The following KALRN variants were observed in gnomAD, a reference collection of about 807,000 sequenced individuals.
KALRN encodes the protein kalirin RhoGEF kinase.
In KALRN, 70 loss-of-function variants were observed where a neutral mutation model predicts 353.7. The observed-to-expected ratio is 0.20, with a 90% CI of 0.16 to 0.24. KALRN has a LOEUF of 0.24. KALRN is among the 10% of genes least tolerant of loss of function. KALRN has a pLI of 1.00. For synonymous variants in KALRN, 1,391 were observed against 1,434.8 expected (o/e 0.97, Z 0.69); for missense variants, 2,791 against 3,756.7 (o/e 0.74, Z 6.72).
intron 34 of KALRN, chr3:124,584,746 A>C (rs2074962462): frequency 6.5e-7 from 1 of 1,529,350 alleles, no homozygotes; most frequent in African/African-American, 1.4e-5. Context: ...GGCGGCGCTG[A>C]AGTTTCCTTC....
Position 124,296,502 on chromosome 3 carries a change from G to A in KALRN, c.970-2289G>A, listed in dbSNP as rs149589796. Among the ~76,000 whole-genome samples the A allele has an allele frequency of 2.3e-3, 352 of 152,190 alleles. 4 individuals carry two copies. Among genetic ancestry groups the A allele is most frequent in the African/African-American group, 7.9e-3 (326 of 41,526 alleles). Reference sequence around the variant, plus strand: ...TCCAGGACTCCGGGTCCTCGCCCTCGTCAGGATTTCAGTAGCAGCCTTCTA... The same window carrying A: ...TCCAGGACTCCGGGTCCTCGCCCTCATCAGGATTTCAGTAGCAGCCTTCTA... On this transcript the variant is annotated intron_variant, in intron 5 of 59. Transcript: ENST00000682506.
Position 124,694,388 on chromosome 3 carries a change from G to T in KALRN, c.7462G>T (p.Val2488Leu). The T allele has an allele frequency of 6.2e-7, 1 of 1,614,218 alleles. No individual in the cohort carries two copies. The highest frequency in any genetic ancestry group is 1.7e-5 in the Admixed American group (1 of 60,026). The change falls in exon 53 of 60, where the codon GTG (valine) becomes TTG (leucine). Residue 2488 changes from valine (V) to leucine (L), a missense_variant. Around this residue, in one of 11 missense-constraint regions of KALRN, gnomAD observed 1,065 missense variants for 1,156.4 expected, o/e 0.92. Transcript: ENST00000682506. ...VDVTCLLGDT[V>L]ILQCKVCGRP... is the part of the protein sequence containing the mutation. Reference sequence around the variant, plus strand: ...TGTGACCTGCTTGCTTGGGGACACAGTGATACTGCAGTGCAAAGTCTGTGG... The same window carrying T: ...TGTGACCTGCTTGCTTGGGGACACATTGATACTGCAGTGCAAAGTCTGTGG...
chr3:124,589,501 G>C (rs907380524), intron 34 of KALRN, among the ~76,000 whole-genome samples: 1 of 152,196 alleles, frequency 6.6e-6, no homozygotes, highest in African/African-American at 2.4e-5. Context: ...GTTGAGGTGG[G>C]AGGATCGGTT....
At chr3:124,053,714 T>C (rs549849821) in intron 1 of KALRN, among the ~76,000 whole-genome samples, 9 of 152,226 alleles carry the variant, frequency 5.9e-5, no homozygotes, top group Admixed American at 1.3e-4. Context: ...CCTGTGCATA[T>C]ATGTGCTGTG....
intron 1 of KALRN, among the ~76,000 whole-genome samples, chr3:124,109,182 T>C (rs765440034): frequency 9.2e-5 from 14 of 152,178 alleles, no homozygotes; most frequent in Non-Finnish European, 1.6e-4. Flanking sequence ...TGGAAGATTG[T>C]CAGTTATTAT....
chr3:124,141,518 CA>C (rs1409381035), intron 1 of KALRN, among the ~76,000 whole-genome samples: 1 of 152,176 alleles, frequency 6.6e-6, no homozygotes, highest in Non-Finnish European at 1.5e-5. Flanking sequence ...GGCTCAGATC[CA>C]AACTCCTTCT....
chr3:124,154,268 AG>A (rs1200762032), intron 1 of KALRN, among the ~76,000 whole-genome samples: 1 of 152,236 alleles, frequency 6.6e-6, no homozygotes, highest in Non-Finnish European at 1.5e-5. Context: ...CAGGGCAATT[AG>A]GCAGGAGAAG....
At chr3:124,605,444 A>G (rs1287185716) in intron 34 of KALRN, among the ~76,000 whole-genome samples, 3 of 151,688 alleles carry the variant, frequency 2.0e-5, no homozygotes, top group Non-Finnish European at 2.9e-5. Context: ...ATGGTGGCAC[A>G]TGTCTGTAAT....
chr3:124,368,359 A>G (rs2085296342), intron 10 of KALRN, among the ~76,000 whole-genome samples: 1 of 145,772 alleles, frequency 6.9e-6, no homozygotes, highest in African/African-American at 2.6e-5. Flanking sequence ...GCGGCCGGGC[A>G]GAGACGCTCC....
intron 33 of KALRN, among the ~76,000 whole-genome samples, chr3:124,541,901 G>T (rs1315537034): frequency 1.6e-5 from 2 of 127,856 alleles, no homozygotes; most frequent in Non-Finnish European, 3.3e-5. Flanking sequence ...AAAAAAAAAG[G>T]TAGCCCAGAT....
chr3:124,286,002 C>T (rs1315102239), intron 5 of KALRN, among the ~76,000 whole-genome samples: 2 of 152,012 alleles, frequency 1.3e-5, no homozygotes, highest in Non-Finnish European at 2.9e-5. Flanking sequence ...TTATGTCCCA[C>T]ATCTCTTCTG....
At chr3:124,702,746 T>C (rs948183581) in intron 57 of KALRN, among the ~76,000 whole-genome samples, 2 of 152,202 alleles carry the variant, frequency 1.3e-5, no homozygotes, top group Non-Finnish European at 2.9e-5. Context: ...ATTTTATGAG[T>C]ATTTCTAATC....
Position 124,631,371 on chromosome 3 carries a change from A to T in KALRN, c.5183-1049A>T, listed in dbSNP as rs145464962. 2.6e-3 allele frequency among the ~76,000 whole-genome samples: 399 copies of T among 152,298 alleles called. 2 individuals are homozygous for T. The highest frequency in any genetic ancestry group is 8.8e-3 in the African/African-American group (365 of 41,576). ...TGCTATTCAATTTCTCCACTCAGGT[A>T]TCTAATGGGCATCTCAAAGATGTCT... On this transcript the variant is annotated intron_variant, in intron 34 of 59. Coordinates refer to ENST00000682506, the MANE Select transcript of KALRN (RefSeq NM_001388419.1).
chr3:124,424,650 A>G (rs2092937978), intron 15 of KALRN, among the ~76,000 whole-genome samples: 1 of 152,150 alleles, frequency 6.6e-6, no homozygotes, highest in South Asian at 2.1e-4. Flanking sequence ...CACTGGGATT[A>G]CACCTGAGTC....
chr3:124,244,484 A>G (rs556644831), intron 3 of KALRN, among the ~76,000 whole-genome samples: 12 of 152,236 alleles, frequency 7.9e-5, no homozygotes, highest in Admixed American at 2.0e-4. Context: ...TGATCCACAC[A>G]CCTCAGCCTC....
At chr3:124,073,828 AATTT>A (rs781367355) in intron 1 of KALRN, among the ~76,000 whole-genome samples, 15 of 152,082 alleles carry the variant, frequency 9.9e-5, no homozygotes, top group Non-Finnish European at 1.5e-4. Context: ...TAGCTACTAT[AATTT>A]ATTGGAATAG....
intron 34 of KALRN, among the ~76,000 whole-genome samples, chr3:124,586,501 C>T (rs1049012427): frequency 5.9e-5 from 9 of 152,136 alleles, no homozygotes; most frequent in Non-Finnish European, 1.3e-4. Context: ...AGGAATTGCC[C>T]GACTTTCACT....
chr3:124,089,812 T>C (rs1312153774), intron 1 of KALRN, among the ~76,000 whole-genome samples: 1 of 151,956 alleles, frequency 6.6e-6, no homozygotes, highest in Non-Finnish European at 1.5e-5. Context: ...GACATGCCTG[T>C]GAAGACCTAG....
intron 1 of KALRN, among the ~76,000 whole-genome samples, chr3:124,044,049 G>A (rs887448978): frequency 1.3e-5 from 2 of 152,228 alleles, no homozygotes; most frequent in African/African-American, 2.4e-5. Context: ...TAGAAGAAAG[G>A]GGAAGCAGGC....
Sources: allele counts gnomAD v4.1 joint callset (sites outside exome capture counted in the v4.1 genomes callset), GRCh38; gene constraint gnomAD v4.1.1; regional missense constraint gnomAD v4.1.1; transcripts MANE v1.5; gene names NCBI Gene and HGNC (gene_info 2026-07-23, HGNC 2026-07-21).